The following MSRB3 variants were observed in gnomAD, a reference collection of about 807,000 sequenced individuals.
The protein encoded by MSRB3 is methionine sulfoxide reductase B3.
A neutral mutation model predicts 21.0 loss-of-function variants in MSRB3; 13 were observed. That is an observed-to-expected ratio of 0.62 (90% CI 0.40 to 0.98). The LOEUF is 0.98. MSRB3 is among the 50% of genes least tolerant of loss of function. MSRB3 has a pLI of 0.00. For missense variants in MSRB3, 199 were observed against 230.3 expected (o/e 0.86, Z 0.88); for synonymous variants, 87 against 88.6 (o/e 0.98, Z 0.10).
intron 5 of MSRB3, among the ~76,000 whole-genome samples, chr12:65,377,176 A>G (rs1878672321): frequency 6.6e-6 from 1 of 152,160 alleles, no homozygotes; most frequent in South Asian, 2.1e-4. Context: ...CTCTTGTAGC[A>G]CTTATCATCT....
chr12:65,298,392 GC>G (rs1198494345), intron 1 of MSRB3, among the ~76,000 whole-genome samples: 1 of 152,188 alleles, frequency 6.6e-6, no homozygotes, highest in African/African-American at 2.4e-5. Flanking sequence ...GATATAATAA[GC>G]AGTTTGAAGT....
chr12:65,297,305 A>C (rs571154919), intron 1 of MSRB3, among the ~76,000 whole-genome samples: 1 of 152,306 alleles, frequency 6.6e-6, no homozygotes, highest in African/African-American at 2.4e-5. Context: ...TGATAGGTGC[A>C]GCAAACCACC....
At chr12:65,390,309 T>C (rs556387834) in intron 5 of MSRB3, among the ~76,000 whole-genome samples, 2 of 152,268 alleles carry the variant, frequency 1.3e-5, no homozygotes, top group East Asian at 1.9e-4. Context: ...CTAACTCTTA[T>C]CTCCTCTTTC....
chr12:65,308,767 G>T, intron 2 of MSRB3, 112 bp downstream of exon 2: 2 of 1,484,968 alleles, frequency 1.3e-6, no homozygotes, highest in East Asian at 2.3e-5. Context: ...TTTTACTTGG[G>T]CCCTAATTTG....
intron 5 of MSRB3, among the ~76,000 whole-genome samples, chr12:65,387,132 G>A (rs904847986): frequency 3.0e-4 from 45 of 151,944 alleles, no homozygotes; most frequent in African/African-American, 9.7e-4. Flanking sequence ...ACACAGCAAA[G>A]AATATAGTTT....
At chr12:65,326,437 T>A (rs935486742) in intron 2 of MSRB3, among the ~76,000 whole-genome samples, 5 of 152,146 alleles carry the variant, frequency 3.3e-5, no homozygotes, top group Non-Finnish European at 7.4e-5. Flanking sequence ...CGGTTTAACA[T>A]AATATGCCCA....
intron 4 of MSRB3, among the ~76,000 whole-genome samples, chr12:65,346,541 T>C (rs1876519145): frequency 6.6e-6 from 1 of 152,172 alleles, no homozygotes; most frequent in South Asian, 2.1e-4. Flanking sequence ...AGGTTGACTG[T>C]TCACTCTGAT....
At position 65,463,299 on chromosome 12, in the gene MSRB3, C is replaced by A; in HGVS notation, c.535C>A (p.Gln179Lys). The A allele has an allele frequency of 6.2e-7, 1 of 1,614,142 alleles. No homozygotes were observed. The highest frequency in any genetic ancestry group is 8.5e-7 in the Non-Finnish European group (1 of 1,180,024). The change falls in exon 7 of 7, where the codon CAG (glutamine) becomes AAG (lysine). Residue 179 changes from glutamine (Q) to lysine (K), a missense_variant. Transcript: ENST00000308259. ...EGGSGVASPA[Q>K]ADKAEL ...AGGCAGTGGGGTCGCCAGCCCGGCC[C>A]AGGCAGACAAAGCGGAGCTCTAGAG...
intron 6 of MSRB3, among the ~76,000 whole-genome samples, chr12:65,458,361 C>A (rs911751751): frequency 6.6e-6 from 1 of 152,158 alleles, no homozygotes; most frequent in Non-Finnish European, 1.5e-5. Context: ...AGCCTACCAC[C>A]GCTTTACAGT....
chr12:65,384,978 C>G (rs1879135965), intron 5 of MSRB3, among the ~76,000 whole-genome samples: 1 of 152,106 alleles, frequency 6.6e-6, no homozygotes, highest in Non-Finnish European at 1.5e-5. Context: ...ATTCTAGTGG[C>G]TCTGTCTTTT....
chr12:65,419,974 G>A (rs1881199824), intron 5 of MSRB3: 1 of 570,468 alleles, frequency 1.8e-6, no homozygotes, highest in Non-Finnish European at 3.5e-6. Flanking sequence ...ATGGAGCCCA[G>A]GGATGGGTAG....
chr12:65,362,264 G>T (rs1182839121), intron 4 of MSRB3, among the ~76,000 whole-genome samples: 1 of 152,112 alleles, frequency 6.6e-6, no homozygotes, highest in Non-Finnish European at 1.5e-5. Context: ...ATTTTCAAAG[G>T]CAGGAAAGAG....
At chr12:65,292,425 G>A (rs1242085086) in intron 1 of MSRB3, among the ~76,000 whole-genome samples, 2 of 150,470 alleles carry the variant, frequency 1.3e-5, no homozygotes, top group East Asian at 3.9e-4. Flanking sequence ...AAGTTAACTA[G>A]CGTTGTCATT....
At chr12:65,460,404 G>C (rs1464639604) in intron 6 of MSRB3, among the ~76,000 whole-genome samples, 1 of 152,220 alleles carries the variant, frequency 6.6e-6, no homozygotes, top group Non-Finnish European at 1.5e-5. Flanking sequence ...CTTTCTGGGA[G>C]ACTAGGTTTA....
chr12:65,455,129 T>C lies in MSRB3; in HGVS notation c.390+1304T>C, dbSNP rs1883029637. On this transcript the variant is annotated intron_variant, in intron 6 of 6. Transcript: ENST00000308259. ...TTCTTTACCTGCCCTTTATCCATTT[T>C]TCTTTAACCCCCTCCACCAGGCACA... 2.6e-5 allele frequency among the ~76,000 whole-genome samples: 4 copies of C among 152,256 alleles called. No homozygotes were observed. The South Asian group carries it at 8.3e-4, about 32-fold the overall frequency.
intron 5 of MSRB3, among the ~76,000 whole-genome samples, chr12:65,386,367 A>G (rs1267586205): frequency 6.6e-6 from 1 of 151,978 alleles, no homozygotes; most frequent in Non-Finnish European, 1.5e-5. Flanking sequence ...TTATTGGTAA[A>G]GAGAACTTAC....
intron 5 of MSRB3, among the ~76,000 whole-genome samples, chr12:65,399,813 G>A (rs147762483): frequency 7.4e-4 from 112 of 152,206 alleles, no homozygotes; most frequent in Non-Finnish European, 9.1e-4. Context: ...TAGCATGAAG[G>A]GGTGTTGAAT....
intron 5 of MSRB3, among the ~76,000 whole-genome samples, chr12:65,379,220 A>G (rs1248499705): frequency 6.6e-6 from 1 of 151,188 alleles, no homozygotes; most frequent in African/African-American, 2.4e-5. Flanking sequence ...CCATCCATCT[A>G]CCCATCCACC....
intron 5 of MSRB3, among the ~76,000 whole-genome samples, chr12:65,373,949 C>T (rs1878459754): frequency 1.3e-5 from 2 of 151,902 alleles, no homozygotes; most frequent in African/African-American, 4.8e-5. Context: ...AACATAAGGG[C>T]AGGGAAAAAT....
Sources: allele counts gnomAD v4.1 joint callset (sites outside exome capture counted in the v4.1 genomes callset), GRCh38; gene constraint gnomAD v4.1.1; transcripts MANE v1.5; gene names NCBI Gene and HGNC (gene_info 2026-07-23, HGNC 2026-07-21).